PDE4B: variants seen among roughly 807,000 people sequenced by gnomAD.
PDE4B encodes phosphodiesterase 4B.
A neutral mutation model predicts 82.2 loss-of-function variants in PDE4B; 20 were observed. The ratio of observed to expected loss-of-function variants is 0.24; its 90% CI spans 0.17 to 0.35. The LOEUF is 0.35. Among genes scored for constraint, PDE4B ranks in the 10% least tolerant of loss-of-function variants. PDE4B has a pLI of 1.00. For missense variants in PDE4B, 655 were observed against 907.2 expected (o/e 0.72, Z 3.57); for synonymous variants, 320 against 318.9 (o/e 1.00, Z -0.04).
At chr1:66,083,586 A>G (rs1656851049) in intron 3 of PDE4B, among the ~76,000 whole-genome samples, 2 of 152,054 alleles carry the variant, frequency 1.3e-5, no homozygotes. Context: ...CAGGATCCAA[A>G]TCCATGTCTG....
intron 3 of PDE4B, among the ~76,000 whole-genome samples, chr1:65,957,145 G>C (rs1261985088): frequency 4.7e-5 from 7 of 150,472 alleles, no homozygotes; most frequent in Non-Finnish European, 3.0e-5. Flanking sequence ...TCTCAGGCTG[G>C]CTTGTCTTTT....
chr1:66,271,244 G>T (rs1557670911), intron 7 of PDE4B, among the ~76,000 whole-genome samples: 1 of 152,178 alleles, frequency 6.6e-6, no homozygotes, highest in Admixed American at 6.5e-5. Context: ...AAATTAATTT[G>T]CAAATTTAGC....
chr1:65,990,293 A>T (rs1362470555), intron 3 of PDE4B, among the ~76,000 whole-genome samples: 1 of 152,198 alleles, frequency 6.6e-6, no homozygotes, highest in African/African-American at 2.4e-5. Flanking sequence ...ACTCCAGTTC[A>T]CATATAGCTA....
chr1:65,878,038 AG>A (rs1242034254), intron 1 of PDE4B, among the ~76,000 whole-genome samples: 14 of 152,068 alleles, frequency 9.2e-5, no homozygotes, highest in African/African-American at 3.1e-4. Flanking sequence ...CAAATTTACA[AG>A]AAAAAAAAAA....
rs556009030 is a variant in PDE4B at position 66,187,900 on chromosome 1, T to A, written c.282-59560T>A. 1.6e-3 allele frequency among the ~76,000 whole-genome samples: 240 copies of A among 151,796 alleles called. 1 individual carries two copies. In the Middle Eastern group the frequency reaches 0.017, roughly 11 times the overall value. On this transcript the variant is annotated intron_variant, in intron 3 of 16. Coordinates refer to ENST00000341517, the MANE Select transcript of PDE4B (RefSeq NM_002600.4). ...AGCTTTTGAAAGTGTTTGCTCTTGC[T>A]TTTCTAGTTCTTTTAATTGTGATGT...
chr1:66,199,534 T>C (rs149831887), intron 3 of PDE4B, among the ~76,000 whole-genome samples: 3,853 of 152,252 alleles, frequency 0.025, 69 homozygotes, highest in Middle Eastern at 0.095. Flanking sequence ...GTCAGATGAA[T>C]AGGTTGCAAA....
chr1:65,953,933 C>T (rs1649129058), intron 3 of PDE4B, among the ~76,000 whole-genome samples: 1 of 152,034 alleles, frequency 6.6e-6, no homozygotes, highest in African/African-American at 2.4e-5. Flanking sequence ...GAGTCTCGCT[C>T]TGTTGCCTAG....
chr1:66,013,391 A>G (rs1477585859), intron 3 of PDE4B, among the ~76,000 whole-genome samples: 2 of 152,166 alleles, frequency 1.3e-5, no homozygotes, highest in African/African-American at 4.8e-5. Context: ...GATACTTCTA[A>G]GATGATGCTT....
intron 7 of PDE4B, among the ~76,000 whole-genome samples, chr1:66,268,452 G>A (rs1227605267): frequency 2.6e-5 from 4 of 151,930 alleles, no homozygotes; most frequent in Non-Finnish European, 5.9e-5. Context: ...GACGGATCAC[G>A]AGGTCAGGAG....
At chr1:66,361,824 GCT>G in intron 10 of PDE4B, 31 bp downstream of exon 10, 1 of 1,568,820 alleles carries the variant, frequency 6.4e-7, no homozygotes, top group Non-Finnish European at 8.7e-7. Flanking sequence ...TGTGCATGTA[GCT>G]CTCTGCTTTA....
chr1:66,082,335 C>A (rs1656784612), intron 3 of PDE4B, among the ~76,000 whole-genome samples: 2 of 152,088 alleles, frequency 1.3e-5, no homozygotes, highest in South Asian at 2.1e-4. Flanking sequence ...TAAGTGAATA[C>A]CTACCTGTGG....
chr1:66,217,269 G>A (rs1249649355), intron 3 of PDE4B, among the ~76,000 whole-genome samples: 1 of 152,042 alleles, frequency 6.6e-6, no homozygotes, highest in Non-Finnish European at 1.5e-5. Flanking sequence ...ACATCTGGCT[G>A]GGATTGTAAA....
intron 3 of PDE4B, among the ~76,000 whole-genome samples, chr1:66,020,692 C>T (rs1328555394): frequency 1.3e-5 from 2 of 152,184 alleles, no homozygotes; most frequent in East Asian, 1.9e-4. Context: ...ATATGTGCCA[C>T]ATTTTCTTAA....
At chr1:66,152,568 G>T (rs1212273585) in intron 3 of PDE4B, 1 of 265,438 alleles carries the variant, frequency 3.8e-6, no homozygotes. Flanking sequence ...ATATATATAT[G>T]ATTAAGTGTG....
intron 1 of PDE4B, among the ~76,000 whole-genome samples, chr1:65,887,230 C>CT (rs1321772975): frequency 1.2e-3 from 24 of 20,606 alleles, no homozygotes; most frequent in East Asian, 2.4e-3. Flanking sequence ...TTCTTTCTTT[C>CT]TTTCTTTCTT....
At chr1:66,232,731 A>G (rs563709507) in intron 3 of PDE4B, among the ~76,000 whole-genome samples, 4 of 152,330 alleles carry the variant, frequency 2.6e-5, no homozygotes, top group African/African-American at 9.6e-5. Flanking sequence ...TTTGAGAAAG[A>G]TAGTGACTAA....
chr1:66,110,695 A>G (rs1557569405), intron 3 of PDE4B, among the ~76,000 whole-genome samples: 1 of 152,068 alleles, frequency 6.6e-6, no homozygotes, highest in African/African-American at 2.4e-5. Flanking sequence ...TAAAAATAGT[A>G]CTACCTCATA....
rs570277727 is a variant in PDE4B at position 66,087,967 on chromosome 1, G to A, written c.282-159493G>A. Among the ~76,000 whole-genome samples the A allele has an allele frequency of 2.0e-3, 310 of 151,686 alleles. 2 individuals are homozygous for A. The highest frequency in any genetic ancestry group is 0.012 in the East Asian group (63 of 5,142). On this transcript the variant is annotated intron_variant, in intron 3 of 16. Transcript: ENST00000341517. ...ACACCAGCATGGCACATGTATACATGTGTAACTAACCTGCACATTGTGCAC... is the reference window on the plus strand; with the variant it reads ...ACACCAGCATGGCACATGTATACATATGTAACTAACCTGCACATTGTGCAC...
chr1:66,131,074 T>C (rs1645932164), intron 3 of PDE4B, among the ~76,000 whole-genome samples: 1 of 152,214 alleles, frequency 6.6e-6, no homozygotes, highest in Admixed American at 6.5e-5. Context: ...CTTATAAGGT[T>C]AGGCCTTTAC....
Sources: gnomAD v4.1 joint callset for allele counts (sites outside exome capture counted in the v4.1 genomes callset) on GRCh38, gnomAD v4.1.1 for gene constraint, MANE v1.5 for transcripts, NCBI Gene and HGNC (gene_info 2026-07-23, HGNC 2026-07-21) for gene names.